UNC80: variants seen among roughly 807,000 people sequenced by gnomAD.
UNC80 encodes protein unc-80 homolog.
A neutral mutation model predicts 384.6 loss-of-function variants in UNC80; 164 were observed. That is an observed-to-expected ratio of 0.43 (90% CI 0.38 to 0.49). UNC80 has a LOEUF of 0.49. UNC80 is among the 20% of genes least tolerant of loss of function. The pLI is 0.00. For missense variants in UNC80, 3,330 were observed against 4,143.0 expected, an observed-to-expected ratio of 0.80 and a Z score of 5.39; for synonymous variants, 1,486 against 1,527.8, an observed-to-expected ratio of 0.97 and a Z score of 0.64.
chr2:209,836,435 TA>T (rs2081340687), intron 18 of UNC80, among the ~76,000 whole-genome samples: 1 of 152,140 alleles, frequency 6.6e-6, no homozygotes, highest in South Asian at 2.1e-4. Context: ...ACTTAAAAAA[TA>T]AAGCCATTCA....
In UNC80 at chr2:209,926,934, TC is replaced by T; in HGVS notation, c.5757del (p.Ile1920LeufsTer4). On this transcript the variant is annotated frameshift_variant, in exon 36 of 65. Transcript: ENST00000673920. LOFTEE classifies it high-confidence loss of function. ...CAGCATGCATCTGTGCAGCAGTACT[TC>T]CCATTGTTCATCTGATGGAGGATGG... is the stretch of plus-strand genomic sequence containing the variant. ...FPACICAAVL[P>X]IVHLMEDGEV... 3.2e-6 allele frequency: 5 copies of T among 1,552,154 alleles called. No individual in the cohort carries two copies. Among genetic ancestry groups the T allele is most frequent in the Non-Finnish European group, 4.4e-6 (5 of 1,147,052 alleles).
At chr2:209,930,290 G>A (rs981100171) in intron 37 of UNC80, among the ~76,000 whole-genome samples, 3 of 151,986 alleles carry the variant, frequency 2.0e-5, no homozygotes, top group African/African-American at 7.2e-5. Flanking sequence ...TCTGATGCAG[G>A]TATGATTATT....
chr2:209,889,622 C>T (rs1365307563), intron 26 of UNC80, among the ~76,000 whole-genome samples: 3 of 152,142 alleles, frequency 2.0e-5, no homozygotes, highest in African/African-American at 4.8e-5. Context: ...AGGTGTTTCT[C>T]CTAATGCAAT....
At chr2:209,888,371 A>G in intron 26 of UNC80, 111 bp downstream of exon 26, 2 of 1,143,164 alleles carry the variant, frequency 1.7e-6, no homozygotes, top group Non-Finnish European at 2.5e-6. Flanking sequence ...GACTTCCTAC[A>G]ATACTGACTG....
chr2:209,915,247 C>CA (rs549863406), intron 31 of UNC80, among the ~76,000 whole-genome samples: 1 of 151,062 alleles, frequency 6.6e-6, no homozygotes, highest in Non-Finnish European at 1.5e-5. Flanking sequence ...ACTAAAAATA[C>CA]AAAAAAAATT....
chr2:209,865,395 G>T (rs1339199490), intron 22 of UNC80, among the ~76,000 whole-genome samples: 1 of 152,102 alleles, frequency 6.6e-6, no homozygotes, highest in African/African-American at 2.4e-5. Flanking sequence ...GAGGTCAGGA[G>T]ATCGAGACCA....
intron 61 of UNC80, 99 bp from the exon 62 acceptor site, chr2:209,992,066 TG>T: frequency 1.2e-6 from 1 of 862,372 alleles, no homozygotes; most frequent in East Asian, 2.9e-5. Flanking sequence ...ATGGTATCTT[TG>T]AAGTGACTGT....
intron 22 of UNC80, among the ~76,000 whole-genome samples, chr2:209,851,585 C>G (rs1315843062): frequency 6.6e-6 from 1 of 152,096 alleles, no homozygotes; most frequent in Non-Finnish European, 1.5e-5. Context: ...AGTGATAACA[C>G]AACAAAACTC....
In UNC80 at chr2:209,918,770, A is replaced by G. The variant is rs1325752603; in HGVS notation, c.5343+107A>G. On this transcript the variant is annotated intron_variant, in intron 33 of 64. Coordinates refer to ENST00000673920, the MANE Select transcript of UNC80 (RefSeq NM_001371986.1). ...TCATAAGAATGTAATAATAACACAG[A>G]AAGTCAGCACAAAAGATCTTTGTCC... is the stretch of plus-strand genomic sequence containing the variant. 1.2e-5 allele frequency: 15 copies of G among 1,270,924 alleles called. No homozygotes were observed. In the East Asian group the frequency reaches 3.9e-4, roughly 33 times the overall value. 78.7% of individuals were successfully genotyped at this position (1,270,924 alleles called of 1,614,324 possible).
intron 2 of UNC80, among the ~76,000 whole-genome samples, chr2:209,773,837 T>C (rs1224313785): frequency 6.6e-6 from 1 of 152,180 alleles, no homozygotes; most frequent in Non-Finnish European, 1.5e-5. Flanking sequence ...ATGAATAATA[T>C]AAAATAATTG....
chr2:209,926,147 G>C (rs2090416399), intron 35 of UNC80, among the ~76,000 whole-genome samples: 1 of 152,108 alleles, frequency 6.6e-6, no homozygotes, highest in South Asian at 2.1e-4. Context: ...ATGCATGTGT[G>C]TTTTCTTCTA....
chr2:209,932,586 A>G (rs1006562077), intron 38 of UNC80, among the ~76,000 whole-genome samples: 2 of 152,208 alleles, frequency 1.3e-5, no homozygotes, highest in African/African-American at 4.8e-5. Context: ...TAGCTCCGCA[A>G]CAAAAATATT....
chr2:209,985,155 A>G (rs1478392961), intron 61 of UNC80, among the ~76,000 whole-genome samples: 1 of 152,194 alleles, frequency 6.6e-6, no homozygotes, highest in East Asian at 1.9e-4. Context: ...ACTTTAAAAA[A>G]ATTATAGAAT....
At chr2:209,834,249 C>A in intron 17 of UNC80, 81 bp downstream of exon 17, 1 of 1,440,748 alleles carries the variant, frequency 6.9e-7, no homozygotes, top group Non-Finnish European at 9.4e-7. Context: ...TGTGTGGTTC[C>A]TGTGCTGAAA....
At position 209,894,332 on chromosome 2, in the gene UNC80, G is replaced by T; in HGVS notation, c.4446G>T (p.Gln1482His). ...CAGAGTCTGAGGCTGAGGAGCTGCA[G>T]CTGTCCCAGAGCAGGGACACTGTCA... ...QDSESEAEELQLSQSRDTVTD... is the reference protein window; with the variant it reads ...QDSESEAEELHLSQSRDTVTD... Residue 1482 changes from glutamine to histidine, a missense_variant, in exon 27 of 65, where the codon CAG becomes CAT. Transcript: ENST00000673920. The T allele has an allele frequency of 1.0e-6, 1 of 985,394 alleles. No individual in the cohort carries two copies. Among genetic ancestry groups the T allele is most frequent in the Non-Finnish European group, 1.2e-6 (1 of 829,920 alleles). The allele number at this position is 985,394 out of a possible 1,614,324, so 61.0% of individuals were successfully genotyped here.
chr2:209,845,191 G>A (rs868829883), intron 21 of UNC80: 20 of 151,808 alleles, frequency 1.3e-4, no homozygotes, highest in Non-Finnish European at 2.9e-5. Flanking sequence ...CCAAGAACCC[G>A]AACATGCGGA....
At chr2:209,959,817 G>T (rs763779119) in intron 51 of UNC80, 110 bp downstream of exon 51, 4 of 1,015,076 alleles carry the variant, frequency 3.9e-6, no homozygotes, top group Non-Finnish European at 5.7e-6. Flanking sequence ...TCTTAATATA[G>T]AATGATTTGT....
chr2:209,953,584 G>T (rs947718413), intron 47 of UNC80, among the ~76,000 whole-genome samples: 2 of 152,086 alleles, frequency 1.3e-5, no homozygotes, highest in African/African-American at 4.8e-5. Context: ...TCCAGTGAGT[G>T]GTGTTCACTC....
intron 47 of UNC80, among the ~76,000 whole-genome samples, chr2:209,952,833 A>C (rs2092247025): frequency 6.6e-6 from 1 of 152,126 alleles, no homozygotes; most frequent in Non-Finnish European, 1.5e-5. Flanking sequence ...CTCCTTTTTC[A>C]AGTTGCCAAA....
Sources: allele counts gnomAD v4.1 joint callset (sites outside exome capture counted in the v4.1 genomes callset), GRCh38; gene constraint gnomAD v4.1.1; transcripts MANE v1.5; gene names NCBI Gene and HGNC (gene_info 2026-07-23, HGNC 2026-07-21).